Variants in RYR3 observed in about 807,000 individuals in gnomAD.
RYR3 encodes the protein ryanodine receptor 3.
RYR3 carries 207 observed loss-of-function variants against 584.3 expected under a neutral mutation model. That is an observed-to-expected ratio of 0.35 (90% CI 0.32 to 0.40). The LOEUF is 0.40. Ranked by LOEUF, RYR3 falls within the 10% of genes least tolerant of loss-of-function variation. RYR3 has a pLI of 1.00. For missense variants in RYR3, 5,616 were observed against 6,089.2 expected (o/e 0.92, Z 2.59); for synonymous variants, 2,416 against 2,248.5 (o/e 1.07, Z -2.11).
intron 11 of RYR3, among the ~76,000 whole-genome samples, chr15:33,566,420 A>T (rs1482637556): frequency 6.6e-6 from 1 of 152,210 alleles, no homozygotes; most frequent in Non-Finnish European, 1.5e-5. Context: ...AGGCCTGAGG[A>T]ATATGTGGTA....
At chr15:33,585,145 G>A (rs566591086) in intron 15 of RYR3, among the ~76,000 whole-genome samples, 1 of 152,166 alleles carries the variant, frequency 6.6e-6, no homozygotes, top group South Asian at 2.1e-4. Context: ...TTCTCGCAGT[G>A]TAGAAATGAC....
At chr15:33,824,544 G>A (rs2077276372) in intron 81 of RYR3, among the ~76,000 whole-genome samples, 1 of 152,118 alleles carries the variant, frequency 6.6e-6, no homozygotes, top group African/African-American at 2.4e-5. Context: ...GTTTTGTGTT[G>A]ATGAGCAAGC....
chr15:33,373,314 C>G (rs12901406), intron 1 of RYR3, among the ~76,000 whole-genome samples: 6,236 of 152,240 alleles, frequency 0.041, 195 homozygotes, highest in Non-Finnish European at 0.064. Context: ...AGAAGAGATC[C>G]AGATGATGTG....
intron 36 of RYR3, among the ~76,000 whole-genome samples, chr15:33,664,090 A>G (rs771258571): frequency 3.3e-5 from 5 of 152,140 alleles, no homozygotes; most frequent in Non-Finnish European, 5.9e-5. Context: ...ACCCTTGCAG[A>G]AGTCACTACC....
intron 40 of RYR3, among the ~76,000 whole-genome samples, chr15:33,698,560 G>A (rs763875254): frequency 9.9e-5 from 15 of 152,118 alleles, no homozygotes; most frequent in African/African-American, 2.4e-4. Context: ...ACCTCCTCAC[G>A]GTTAAACTGC....
At chr15:33,520,618 C>G (rs919594128) in intron 3 of RYR3, among the ~76,000 whole-genome samples, 1 of 152,118 alleles carries the variant, frequency 6.6e-6, no homozygotes, top group Non-Finnish European at 1.5e-5. Flanking sequence ...AAAAAATTGC[C>G]TCACCTCTTT....
chr15:33,587,477 C>T (rs671122), intron 16 of RYR3, among the ~76,000 whole-genome samples: 104,881 of 152,102 alleles, frequency 0.69, 36,700 homozygotes, highest in African/African-American at 0.82. Context: ...AGCCACAAAG[C>T]ATTTGATGCA....
At chr15:33,435,037 G>A (rs2045539613) in intron 1 of RYR3, among the ~76,000 whole-genome samples, 1 of 152,008 alleles carries the variant, frequency 6.6e-6, no homozygotes, top group Admixed American at 6.6e-5. Flanking sequence ...AGCCAGGATG[G>A]TCTCAATCTC....
At chr15:33,327,273 T>G (rs1969839293) in intron 1 of RYR3, among the ~76,000 whole-genome samples, 1 of 152,174 alleles carries the variant, frequency 6.6e-6, no homozygotes, top group Non-Finnish European at 1.5e-5. Context: ...TTGTTGAAAG[T>G]TGAGTATCAG....
chr15:33,520,319 C>T (rs184789552), intron 3 of RYR3, among the ~76,000 whole-genome samples: 34 of 152,108 alleles, frequency 2.2e-4, no homozygotes, highest in Non-Finnish European at 4.3e-4. Context: ...TCAAGGTAAT[C>T]GGACTTTTTG....
At chr15:33,337,895 A>G (rs999535301) in intron 1 of RYR3, among the ~76,000 whole-genome samples, 1 of 150,138 alleles carries the variant, frequency 6.7e-6, no homozygotes, top group Non-Finnish European at 1.5e-5. Context: ...ATATGTCAGT[A>G]GAGGAAAATG....
At chr15:33,592,552 C>G (rs955160707) in intron 16 of RYR3, among the ~76,000 whole-genome samples, 1 of 152,166 alleles carries the variant, frequency 6.6e-6, no homozygotes, top group Non-Finnish European at 1.5e-5. Flanking sequence ...TCCGATTGGC[C>G]AGAATTTAGT....
At position 33,848,433 on chromosome 15, in the gene RYR3, T is replaced by C. The variant is rs759817867; in HGVS notation, c.13628+12T>C. On this transcript the variant is annotated intron_variant, in intron 94 of 103. Transcript: ENST00000634891. Reference sequence around the variant, plus strand: ...GTGATCAACACACCGTGAGTGTCCCTCTACCCCAACCTAAAAAGGAGATGG... The same window carrying C: ...GTGATCAACACACCGTGAGTGTCCCCCTACCCCAACCTAAAAAGGAGATGG... 6.2e-6 allele frequency: 10 copies of C among 1,604,118 alleles called. No individual in the cohort carries two copies. The highest frequency in any genetic ancestry group is 2.7e-5 in the African/African-American group (2 of 74,276).
chr15:33,763,766 G>A (rs140516484), intron 60 of RYR3, among the ~76,000 whole-genome samples: 1,983 of 151,998 alleles, frequency 0.013, 47 homozygotes, highest in African/African-American at 0.044. Flanking sequence ...GGTGGCACAC[G>A]CCTGTAATCC....
intron 1 of RYR3, chr15:33,465,745 G>A (rs1211557664): frequency 5.8e-6 from 3 of 518,788 alleles, no homozygotes; most frequent in African/African-American, 5.8e-5. Context: ...GCTGAGCTAG[G>A]TGGTGGTGGT....
In RYR3 at chr15:33,728,513, T is replaced by G. The variant is rs115518871; in HGVS notation, c.7034-344T>G. On this transcript the variant is annotated intron_variant, in intron 46 of 103. Transcript: ENST00000634891. ...GCCTTCAGCGCAGCACTGTACAGAT[T>G]GAGTATTCCTTATCCTAAATGCTTG... Among the ~76,000 whole-genome samples the G allele has an allele frequency of 6.5e-3, 984 of 152,388 alleles. 15 individuals carry two copies. The highest frequency in any genetic ancestry group is 0.022 in the African/African-American group (933 of 41,588).
chr15:33,724,507 C>T (rs1037375260), intron 45 of RYR3, among the ~76,000 whole-genome samples: 1 of 152,158 alleles, frequency 6.6e-6, no homozygotes, highest in African/African-American at 2.4e-5. Flanking sequence ...TCATGGCCAT[C>T]AGGATGCTCC....
At chr15:33,852,343 TTAACAG>T (rs1241753480) in intron 94 of RYR3, 2 of 152,056 alleles carry the variant, frequency 1.3e-5, no homozygotes, top group African/African-American at 2.4e-5. Flanking sequence ...TTTCTTAACT[TTAACAG>T]TAAGAAATAT....
At chr15:33,447,498 T>C (rs537348305) in intron 1 of RYR3, among the ~76,000 whole-genome samples, 1 of 152,112 alleles carries the variant, frequency 6.6e-6, no homozygotes, top group East Asian at 1.9e-4. Context: ...TCTTAGGAGG[T>C]TAAGGTTGTA....
Sources: gnomAD v4.1 joint callset for allele counts (sites outside exome capture counted in the v4.1 genomes callset) on GRCh38, gnomAD v4.1.1 for gene constraint, MANE v1.5 for transcripts, NCBI Gene and HGNC (gene_info 2026-07-23, HGNC 2026-07-21) for gene names.